ARHGAP20: variants seen among roughly 807,000 people sequenced by gnomAD.
The protein encoded by ARHGAP20 is Rho GTPase activating protein 20, also known as rho GTPase-activating protein 20.
In ARHGAP20, 34 loss-of-function variants were observed where a neutral mutation model predicts 73.7. The observed-to-expected ratio is 0.46, with a 90% CI of 0.35 to 0.61. ARHGAP20 has a LOEUF of 0.61. Among genes scored for constraint, ARHGAP20 ranks in the 20% least tolerant of loss-of-function variants. The pLI, the probability that ARHGAP20 is intolerant of heterozygous loss-of-function variation, is 0.00. For synonymous variants in ARHGAP20, 523 were observed against 518.2 expected, an observed-to-expected ratio of 1.01 and a Z score of -0.13; for missense variants, 1,314 against 1,420.9, an observed-to-expected ratio of 0.92 and a Z score of 1.21.
chr11:110,609,150 C>T (rs1948307459), intron 7 of ARHGAP20, 100 bp from the exon 8 acceptor site: 2 of 970,026 alleles, frequency 2.1e-6, no homozygotes, highest in Non-Finnish European at 3.2e-6. Flanking sequence ...TCCCTCCTGC[C>T]CCCTACCCAG....
chr11:110,584,566 A>G (rs571025527), intron 12 of ARHGAP20, among the ~76,000 whole-genome samples: 9 of 152,212 alleles, frequency 5.9e-5, no homozygotes, highest in South Asian at 2.1e-4. Flanking sequence ...AAGGACTTTG[A>G]AATAGAACAA....
Position 110,590,698 on chromosome 11 carries a change from C to T in ARHGAP20, c.1255G>A (p.Glu419Lys), listed in dbSNP as rs377077772. The T allele has an allele frequency of 4.3e-5, 70 of 1,613,884 alleles. No homozygotes were observed. Among genetic ancestry groups the T allele is most frequent in the South Asian group, 8.8e-5 (8 of 91,066 alleles). ...ATAGATTCACAGTCTAGGTGTACTTCGACTCCAGAATTCAATTTCTCTTTT... is the reference window on the plus strand; with the variant it reads ...ATAGATTCACAGTCTAGGTGTACTTTGACTCCAGAATTCAATTTCTCTTTT... ...ELKEKLNSGV[E>K]VHLDCESIFV... The change falls in exon 11 of 15, where the codon GAA becomes AAA. Residue 419 changes from glutamate to lysine, a missense_variant. This residue lies in a region of ARHGAP20 where 230 missense variants were observed against 317.6 expected (regional missense o/e 0.72). Coordinates refer to ENST00000683387, the MANE Select transcript of ARHGAP20 (RefSeq NM_001384657.1).
In ARHGAP20 at chr11:110,648,167, A is replaced by G. The variant is rs200742540; in HGVS notation, c.189-17375T>C. On this transcript the variant is annotated intron_variant, in intron 2 of 14. Coordinates refer to ENST00000683387, the MANE Select transcript of ARHGAP20 (RefSeq NM_001384657.1). ...AGTGATATATATAATATATATATATATGTAAATATATATATATATATGTAA... is the reference window on the plus strand; with the variant it reads ...AGTGATATATATAATATATATATATGTGTAAATATATATATATATATGTAA... 3.9e-5 allele frequency among the ~76,000 whole-genome samples: 3 copies of G among 76,182 alleles called. 1 individual carries two copies. The highest frequency in any genetic ancestry group is 8.2e-5 in the Non-Finnish European group (3 of 36,620). 50.0% of individuals were successfully genotyped at this position (76,182 alleles called of 152,430 possible). A position where few individuals can be genotyped will look rare whatever the true frequency, so the allele number is the denominator to read the frequency against.
intron 1 of ARHGAP20, among the ~76,000 whole-genome samples, chr11:110,710,333 A>G (rs1950623088): frequency 6.6e-6 from 1 of 152,186 alleles, no homozygotes; most frequent in South Asian, 2.1e-4. Flanking sequence ...AATGTGGGAA[A>G]AGAGCGAAGC....
intron 11 of ARHGAP20, among the ~76,000 whole-genome samples, chr11:110,587,861 G>T (rs143130409): frequency 5.5e-4 from 83 of 152,142 alleles, no homozygotes; most frequent in African/African-American, 2.0e-3. Flanking sequence ...CTGCATGCTT[G>T]TGATTCAGGT....
In ARHGAP20 at chr11:110,577,254, A is replaced by C; in HGVS notation, c.*2116T>G. ...AGCATTTTAGATAAAGCATCAGTCT[A>C]ATATATTATAGATTGATGGAGTATA... On this transcript the variant is annotated 3_prime_UTR_variant, in exon 15 of 15. Coordinates refer to ENST00000683387, the MANE Select transcript of ARHGAP20 (RefSeq NM_001384657.1). 6.9e-7 allele frequency: 1 copy of C among 1,459,324 alleles called. No homozygotes were observed. Among genetic ancestry groups the C allele is most frequent in the Non-Finnish European group, 9.1e-7 (1 of 1,104,030 alleles). 90.4% of individuals were successfully genotyped at this position (1,459,324 alleles called of 1,614,324 possible).
chr11:110,669,804 A>C (rs1346754226), intron 2 of ARHGAP20, among the ~76,000 whole-genome samples: 1 of 152,154 alleles, frequency 6.6e-6, no homozygotes, highest in Non-Finnish European at 1.5e-5. Context: ...ACTTCTTGGT[A>C]CTTATTGAGA....
intron 2 of ARHGAP20, among the ~76,000 whole-genome samples, chr11:110,676,821 T>A (rs1032108638): frequency 6.6e-6 from 1 of 152,054 alleles, no homozygotes; most frequent in African/African-American, 2.4e-5. Context: ...AAATAAGTTT[T>A]TTTTTTAAAA....
intron 2 of ARHGAP20, among the ~76,000 whole-genome samples, chr11:110,634,473 T>C (rs1212324921): frequency 6.6e-6 from 1 of 152,140 alleles, no homozygotes; most frequent in African/African-American, 2.4e-5. Flanking sequence ...TATGGTTTCA[T>C]GTACTTTAAA....
At chr11:110,609,905 G>C (rs1249536094) in intron 7 of ARHGAP20, among the ~76,000 whole-genome samples, 1 of 152,040 alleles carries the variant, frequency 6.6e-6, no homozygotes, top group Non-Finnish European at 1.5e-5. Context: ...GTTGTAAATA[G>C]GAAGGCCAAT....
At chr11:110,586,175 T>G (rs1947659756) in intron 12 of ARHGAP20, 41 bp downstream of exon 12, 1 of 1,051,912 alleles carries the variant, frequency 9.5e-7, no homozygotes, top group East Asian at 2.8e-5. Context: ...ATAAAATATT[T>G]TTAAAGTATT....
At chr11:110,590,885 A>C in intron 10 of ARHGAP20, 76 bp from the exon 11 acceptor site, 1 of 1,440,194 alleles carries the variant, frequency 6.9e-7, no homozygotes, top group Non-Finnish European at 9.3e-7. Flanking sequence ...CCCTCTTTGG[A>C]TGCCAGAGGC....
intron 2 of ARHGAP20, among the ~76,000 whole-genome samples, chr11:110,683,514 T>C (rs565977343): frequency 6.6e-6 from 1 of 152,168 alleles, no homozygotes; most frequent in Non-Finnish European, 1.5e-5. Flanking sequence ...CACTAATTCA[T>C]CCAACAAATA....
At chr11:110,645,963 T>G (rs1353826949) in intron 2 of ARHGAP20, among the ~76,000 whole-genome samples, 1 of 151,534 alleles carries the variant, frequency 6.6e-6, no homozygotes, top group Admixed American at 6.6e-5. Context: ...CTGGGGACTA[T>G]TAGAAGGGGG....
At chr11:110,708,887 T>C (rs1213404409) in intron 1 of ARHGAP20, among the ~76,000 whole-genome samples, 1 of 152,242 alleles carries the variant, frequency 6.6e-6, no homozygotes, top group Non-Finnish European at 1.5e-5. Flanking sequence ...ATATCAATTA[T>C]ACTTCAATGA....
At chr11:110,606,480 T>G in intron 9 of ARHGAP20, 81 bp downstream of exon 9, 2 of 1,389,920 alleles carry the variant, frequency 1.4e-6, no homozygotes, top group Non-Finnish European at 1.9e-6. Context: ...AAAAAATACC[T>G]CATCTGGCGG....
At position 110,578,165 on chromosome 11, in the gene ARHGAP20, G is replaced by A. The variant is rs4754476; in HGVS notation, c.*1205C>T. 180,072 of 985,286 alleles carry A rather than the reference G, an allele frequency of 0.18. 17,348 individuals carry two copies. The highest frequency in any genetic ancestry group is 0.3 in the East Asian group (2,638 of 8,790). The allele number at this position is 985,286 out of a possible 1,614,324, so 61.0% of individuals were successfully genotyped here. ...AGAAAGCAGAGAAAGAAAGGTCCAT[G>A]GATATAAAATAAACCAATGGGGTAT... On this transcript the variant is annotated 3_prime_UTR_variant, in exon 15 of 15. Transcript: ENST00000683387.
chr11:110,591,559 T>C (rs1294850159), intron 10 of ARHGAP20, among the ~76,000 whole-genome samples: 1 of 152,184 alleles, frequency 6.6e-6, no homozygotes, highest in African/African-American at 2.4e-5. Context: ...GATAAATAAA[T>C]GCCAGGGAAT....
chr11:110,672,365 CA>C (rs898421462), intron 2 of ARHGAP20, among the ~76,000 whole-genome samples: 1 of 152,056 alleles, frequency 6.6e-6, no homozygotes, highest in African/African-American at 2.4e-5. Flanking sequence ...CAAAGAAAAA[CA>C]TACAAATGGG....
Sources: allele counts gnomAD v4.1 joint callset (sites outside exome capture counted in the v4.1 genomes callset), GRCh38; gene constraint gnomAD v4.1.1; regional missense constraint gnomAD v4.1.1; transcripts MANE v1.5; gene names NCBI Gene and HGNC (gene_info 2026-07-23, HGNC 2026-07-21).